Variants in EGFR observed in about 807,000 individuals in gnomAD.
The protein encoded by EGFR is avian erythroblastic leukemia viral (v-erb-b) oncogene homolog.
Under a neutral mutation model 143.0 loss-of-function variants are expected in EGFR, and 58 were observed. The ratio of observed to expected loss-of-function variants is 0.41; its 90% CI spans 0.33 to 0.50. The LOEUF is 0.50. EGFR is among the 20% of genes least tolerant of loss of function. The pLI is 0.39. For missense variants in EGFR, 1,307 were observed against 1,579.0 expected (o/e 0.83, Z 2.92); for synonymous variants, 613 against 594.4 (o/e 1.03, Z -0.45).
chr7:55,173,326 T>A (rs1262657813), intron 17 of EGFR, among the ~76,000 whole-genome samples: 2 of 152,272 alleles, frequency 1.3e-5, no homozygotes, highest in African/African-American at 4.8e-5. Context: ...GTTTCTAGGC[T>A]GCACCCTTCA....
chr7:55,090,631 C>T (rs780767229), intron 1 of EGFR, among the ~76,000 whole-genome samples: 6 of 152,248 alleles, frequency 3.9e-5, no homozygotes, highest in Middle Eastern at 3.4e-3. Flanking sequence ...TAAAAAATAC[C>T]GTACTAAACC....
intron 1 of EGFR, among the ~76,000 whole-genome samples, chr7:55,030,217 T>C (rs1787172308): frequency 6.6e-6 from 1 of 152,240 alleles, no homozygotes; most frequent in Non-Finnish European, 1.5e-5. Context: ...TTGGGTTTTT[T>C]AGCTATGGAT....
At chr7:55,126,006 C>A (rs932523472) in intron 1 of EGFR, among the ~76,000 whole-genome samples, 5 of 152,192 alleles carry the variant, frequency 3.3e-5, no homozygotes, top group Non-Finnish European at 5.9e-5. Context: ...AGCCAGGCAG[C>A]CTTTCACAGT....
In EGFR at chr7:55,019,297, C is replaced by T. The variant is rs1786367350; in HGVS notation, c.20C>T (p.Ala7Val). MRPSGT[A>V]GAALLALLAA... ...GCAGCGATGCGACCCTCCGGGACGG[C>T]CGGGGCAGCGCTCCTGGCGCTGCTG... Residue 7 changes from alanine (A) to valine (V), a missense_variant, in exon 1 of 28, where the codon GCC becomes GTC. By Grantham distance (64) the Ala-to-Val change is moderately conservative. Transcript: ENST00000275493. 1 of 1,512,042 alleles carries T rather than the reference C, an allele frequency of 6.6e-7. No individual in the cohort carries two copies. The highest frequency in any genetic ancestry group is 8.9e-7 in the Non-Finnish European group (1 of 1,125,576). The allele number at this position is 1,512,042 out of a possible 1,614,324, so 93.7% of individuals were successfully genotyped here.
chr7:55,171,080 G>A, intron 15 of EGFR, 95 bp from the exon 16 acceptor site: 1 of 1,573,580 alleles, frequency 6.4e-7, no homozygotes. Flanking sequence ...GAGTAGTTTA[G>A]CATATATTGC....
At chr7:55,154,547 A>T (rs562523546) in intron 7 of EGFR, among the ~76,000 whole-genome samples, 37 of 152,402 alleles carry the variant, frequency 2.4e-4, no homozygotes, top group African/African-American at 8.2e-4. Context: ...TATTTAATAC[A>T]CCGAAATCAG....
chr7:55,204,359 C>T (rs951347763), intron 27 of EGFR, among the ~76,000 whole-genome samples: 1 of 147,722 alleles, frequency 6.8e-6, no homozygotes, highest in African/African-American at 2.5e-5. Flanking sequence ...CACACATACA[C>T]ACCAACACCA....
intron 1 of EGFR, among the ~76,000 whole-genome samples, 181 bp from the exon 2 acceptor site, chr7:55,142,105 C>T (rs574830840): frequency 6.6e-6 from 1 of 152,304 alleles, no homozygotes; most frequent in Admixed American, 6.5e-5. Context: ...TATTATCAGT[C>T]ACTAAAGCTC....
Position 55,171,120 on chromosome 7 carries a change from A to G in EGFR, c.1881-55A>G, listed in dbSNP as rs1484711937. 5 of 1,611,814 alleles carry G rather than the reference A, an allele frequency of 3.1e-6. No individual in the cohort carries two copies. The African/African-American group carries it at 4.0e-5, about 13-fold the overall frequency. ...TGATTTAATTAAAAATCTCCAAAAT[A>G]TATGCCAAAGAAGTAGAATGAGAAA... On this transcript the variant is annotated intron_variant, in intron 15 of 27. Coordinates refer to ENST00000275493, the MANE Select transcript of EGFR (RefSeq NM_005228.5).
In EGFR at chr7:55,146,734, G is replaced by A. The variant is rs2128929655; in HGVS notation, c.553G>A (p.Gly185Ser). The change falls in exon 4 of 28, where the codon GGC becomes AGC. Residue 185 changes from glycine (G) to serine (S), a missense_variant. Transcript: ENST00000275493. The stretch of plus-strand genomic sequence containing the variant: ...GTCGATGGACTTCCAGAACCACCTG[G>A]GCAGCTGTAAGTGTCGCATACACAC... The part of the protein sequence containing the change: ...NMSMDFQNHL[G>S]SCQKCDPSCP... 6.2e-7 allele frequency: 1 copy of A among 1,614,168 alleles called. No individual in the cohort carries two copies. The highest frequency in any genetic ancestry group is 8.5e-7 in the Non-Finnish European group (1 of 1,180,036).
chr7:55,117,422 A>G (rs749221318), intron 1 of EGFR, among the ~76,000 whole-genome samples: 5 of 152,192 alleles, frequency 3.3e-5, no homozygotes, highest in Non-Finnish European at 7.3e-5. Context: ...CCCACATTCA[A>G]TTAGCATGTT....
At chr7:55,075,956 G>A (rs892865250) in intron 1 of EGFR, among the ~76,000 whole-genome samples, 1 of 152,142 alleles carries the variant, frequency 6.6e-6, no homozygotes, top group African/African-American at 2.4e-5. Flanking sequence ...CAAGCACATC[G>A]CGTGGAAATT....
intron 1 of EGFR, among the ~76,000 whole-genome samples, chr7:55,057,326 C>T (rs1018695528): frequency 3.9e-5 from 6 of 152,206 alleles, no homozygotes; most frequent in Non-Finnish European, 8.8e-5. Context: ...AATCCATACC[C>T]GCAATCACCA....
chr7:55,081,181 GGCAGGGTTCCTT>G (rs1274154791), intron 1 of EGFR, among the ~76,000 whole-genome samples: 1 of 152,142 alleles, frequency 6.6e-6, no homozygotes, highest in Non-Finnish European at 1.5e-5. Flanking sequence ...ACATACTTTT[GGCAGGGTTCCTT>G]GCAGATCAGA....
At position 55,160,235 on chromosome 7, in the gene EGFR, A is replaced by C. The variant is rs199754312; in HGVS notation, c.1395A>C (p.Gly465=). Residue 465 remains glycine, a synonymous_variant, in exon 12 of 28, where the codon GGA becomes GGC. Coordinates refer to ENST00000275493, the MANE Select transcript of EGFR (RefSeq NM_005228.5). The part of the protein sequence containing the change: ...EISDGDVIIS[G]NKNLCYANTI... ...GTGATGGAGATGTGATAATTTCAGG[A>C]AACAAAAATTTGTGCTATGCAAATA... The C allele has an allele frequency of 5.0e-6, 8 of 1,614,208 alleles. No homozygotes were observed. The East Asian group carries it at 1.6e-4, about 31-fold the overall frequency.
intron 15 of EGFR, chr7:55,166,250 A>G (rs1785976307): frequency 1.8e-6 from 1 of 558,122 alleles, no homozygotes; most frequent in African/African-American, 1.8e-5. Context: ...GCTGTCAATC[A>G]AACTGGATCC....
chr7:55,064,132 C>A (rs1334289193), intron 1 of EGFR, among the ~76,000 whole-genome samples: 1 of 152,050 alleles, frequency 6.6e-6, no homozygotes, highest in Non-Finnish European at 1.5e-5. Flanking sequence ...AAACTATGAT[C>A]TTGATACTAG....
At chr7:55,127,874 C>T (rs1018270444) in intron 1 of EGFR, among the ~76,000 whole-genome samples, 1 of 152,228 alleles carries the variant, frequency 6.6e-6, no homozygotes, top group Non-Finnish European at 1.5e-5. Flanking sequence ...TTTCACCAGG[C>T]CCCGCTCTCA....
chr7:55,054,904 C>T (rs183005583), intron 1 of EGFR, among the ~76,000 whole-genome samples: 1 of 152,316 alleles, frequency 6.6e-6, no homozygotes, highest in Non-Finnish European at 1.5e-5. Context: ...AGCCTCGTTG[C>T]GCACCCATGT....
Sources: gnomAD v4.1 joint callset for allele counts (sites outside exome capture counted in the v4.1 genomes callset) on GRCh38, gnomAD v4.1.1 for gene constraint, MANE v1.5 for transcripts, NCBI Gene and HGNC (gene_info 2026-07-23, HGNC 2026-07-21) for gene names.